The following CDH13 variants were observed in gnomAD, a reference collection of about 807,000 sequenced individuals.
CDH13 encodes cadherin-13.
In CDH13, 24 loss-of-function variants were observed where a neutral mutation model predicts 63.8. The observed-to-expected ratio is 0.38, with a 90% CI of 0.27 to 0.53. CDH13 has a LOEUF of 0.53. CDH13 is among the 20% of genes least tolerant of loss of function. The probability of loss-of-function intolerance (pLI) is 0.85; values close to 1 mark genes in which losing one functional copy is unlikely to be tolerated. For missense variants in CDH13, 1,049 were observed against 903.1 expected (o/e 1.16, Z -2.07); for synonymous variants, 503 against 355.3 (o/e 1.42, Z -4.67).
intron 3 of CDH13, among the ~76,000 whole-genome samples, chr16:83,058,588 C>T (rs1363379684): frequency 6.6e-6 from 1 of 152,168 alleles, no homozygotes; most frequent in African/African-American, 2.4e-5. Context: ...GGGCCAATCT[C>T]CACTCCTGAG....
intron 3 of CDH13, among the ~76,000 whole-genome samples, chr16:83,058,151 C>T (rs948255819): frequency 6.6e-6 from 1 of 152,140 alleles, no homozygotes; most frequent in African/African-American, 2.4e-5. Context: ...TGTTGAACTT[C>T]ATGAGTTACG....
rs1223405619 is a variant in CDH13, at chr16:83,798,081, C to T, written c.*3051C>T. 1.3e-5 allele frequency: 2 copies of T among 152,274 alleles called. No homozygotes were observed. The highest frequency in any genetic ancestry group is 2.4e-5 in the African/African-American group (1 of 41,540). The allele number at this position is 152,274 out of a possible 1,614,324, so 9.4% of individuals were successfully genotyped here. A position where few individuals can be genotyped will look rare whatever the true frequency, so the allele number is the denominator to read the frequency against. The stretch of plus-strand genomic sequence containing the variant: ...TGGTAGGTATCAAATAAGACTTTGG[C>T]TCTTAAAGAACATCGTTAGAAATTT... On this transcript the variant is annotated 3_prime_UTR_variant, in exon 14 of 14. Transcript: ENST00000567109.
intron 1 of CDH13, among the ~76,000 whole-genome samples, chr16:82,659,722 A>C (rs7200417): frequency 0.01 from 1,548 of 152,166 alleles, 31 homozygotes; most frequent in African/African-American, 0.036. Flanking sequence ...GTCATGACAA[A>C]CACCTGGGAA....
chr16:83,161,465 G>A (rs1027861279), intron 4 of CDH13, among the ~76,000 whole-genome samples: 4 of 152,222 alleles, frequency 2.6e-5, no homozygotes, highest in African/African-American at 9.6e-5. Flanking sequence ...ATTTTAAGGA[G>A]TCAGAATGTA....
chr16:82,809,989 A>G (rs1207571156), intron 1 of CDH13, among the ~76,000 whole-genome samples: 1 of 152,206 alleles, frequency 6.6e-6, no homozygotes, highest in African/African-American at 2.4e-5. Flanking sequence ...ATGCCCATCT[A>G]TTAAGGGCAA....
chr16:82,711,339 G>A (rs534257625), intron 1 of CDH13, among the ~76,000 whole-genome samples: 9 of 152,086 alleles, frequency 5.9e-5, no homozygotes, highest in East Asian at 1.9e-4. Flanking sequence ...CCCTCATCCC[G>A]TGGTTTTAAA....
chr16:82,926,182 G>T (rs933905723), intron 2 of CDH13, among the ~76,000 whole-genome samples: 21 of 151,752 alleles, frequency 1.4e-4, no homozygotes, highest in Non-Finnish European at 7.4e-5. Flanking sequence ...AGGCCACAGG[G>T]TCTTTGTTGC....
chr16:83,629,090 T>C (rs1411828542), intron 8 of CDH13, among the ~76,000 whole-genome samples: 2 of 152,234 alleles, frequency 1.3e-5, no homozygotes, highest in East Asian at 3.8e-4. Flanking sequence ...ATGATTTTTG[T>C]ATTTGTAACA....
intron 1 of CDH13, among the ~76,000 whole-genome samples, chr16:82,667,613 C>T (rs551601845): frequency 1.1e-4 from 17 of 152,276 alleles, no homozygotes; most frequent in South Asian, 4.1e-4. Flanking sequence ...TCTGATGTCA[C>T]GTTGCCCCTA....
At position 83,033,500 on chromosome 16, in the gene CDH13, A is replaced by G. The variant is rs180762513; in HGVS notation, c.366+1282A>G. Among the ~76,000 whole-genome samples, 302 of 152,250 alleles carry G rather than the reference A, an allele frequency of 2.0e-3. 1 individual carries two copies. The highest frequency in any genetic ancestry group is 0.017 in the Middle Eastern group (5 of 294). On this transcript the variant is annotated intron_variant, in intron 3 of 13. Transcript: ENST00000567109. ...GTATGTACAGGCATACACATACTAT[A>G]TATGCGCATATACTGTGTATATGTA...
At chr16:83,469,318 C>G in intron 6 of CDH13, among the ~76,000 whole-genome samples, 1 of 152,116 alleles carries the variant, frequency 6.6e-6, no homozygotes, top group East Asian at 1.9e-4. Context: ...TTTCTCAGGC[C>G]CTAATATTTC....
intron 4 of CDH13, among the ~76,000 whole-genome samples, chr16:83,127,924 C>T (rs1347095884): frequency 1.3e-5 from 2 of 152,134 alleles, no homozygotes; most frequent in Admixed American, 6.5e-5. Flanking sequence ...AGCCCTGTCC[C>T]CTTGGGCAGC....
chr16:83,248,251 C>A (rs1292282415), intron 5 of CDH13, among the ~76,000 whole-genome samples: 1 of 152,106 alleles, frequency 6.6e-6, no homozygotes, highest in Non-Finnish European at 1.5e-5. Flanking sequence ...GAATAGTGTG[C>A]ATGAGCTCAC....
intron 2 of CDH13, among the ~76,000 whole-genome samples, chr16:82,957,899 T>G (rs993645243): frequency 6.6e-6 from 1 of 152,248 alleles, no homozygotes; most frequent in Non-Finnish European, 1.5e-5. Flanking sequence ...CTGGAAAATG[T>G]GCACTCATAA....
intron 11 of CDH13, among the ~76,000 whole-genome samples, chr16:83,752,583 G>A (rs1913173577): frequency 6.6e-6 from 1 of 152,190 alleles, no homozygotes; most frequent in South Asian, 2.1e-4. Context: ...AATTTACAAT[G>A]TAGTCAGGAC....
At chr16:82,687,315 T>A (rs1915178259) in intron 1 of CDH13, among the ~76,000 whole-genome samples, 1 of 152,164 alleles carries the variant, frequency 6.6e-6, no homozygotes, top group Non-Finnish European at 1.5e-5. Flanking sequence ...ATTTCCAATT[T>A]ATAGCAAGAT....
At chr16:83,007,892 C>G (rs1014106291) in intron 2 of CDH13, among the ~76,000 whole-genome samples, 3 of 151,018 alleles carry the variant, frequency 2.0e-5, no homozygotes, top group Non-Finnish European at 3.0e-5. Flanking sequence ...TTCTTTCTTT[C>G]TTTTATCCAT....
At chr16:82,948,911 C>T (rs559909565) in intron 2 of CDH13, among the ~76,000 whole-genome samples, 6 of 152,250 alleles carry the variant, frequency 3.9e-5, no homozygotes, top group South Asian at 2.1e-4. Flanking sequence ...TACTTACTTT[C>T]GTGATATATA....
chr16:83,600,265 G>T (rs900174848), intron 7 of CDH13, among the ~76,000 whole-genome samples: 1 of 152,146 alleles, frequency 6.6e-6, no homozygotes, highest in South Asian at 2.1e-4. Flanking sequence ...TGTGACCTTC[G>T]ATCCTGGCGG....
Sources: gnomAD v4.1 joint callset for allele counts (sites outside exome capture counted in the v4.1 genomes callset) on GRCh38, gnomAD v4.1.1 for gene constraint, MANE v1.5 for transcripts, NCBI Gene and HGNC (gene_info 2026-07-23, HGNC 2026-07-21) for gene names.